The following DPYSL2 variants were observed in gnomAD, a reference collection of about 807,000 sequenced individuals.
DPYSL2 encodes dihydropyrimidinase-related protein 2.
Under a neutral mutation model 69.9 loss-of-function variants are expected in DPYSL2, and 13 were observed. The ratio of observed to expected loss-of-function variants is 0.19; its 90% CI spans 0.12 to 0.30. DPYSL2 has a LOEUF of 0.30. DPYSL2 is among the 10% of genes least tolerant of loss of function. The probability of loss-of-function intolerance (pLI) is 1.00; values close to 1 mark genes in which losing one functional copy is unlikely to be tolerated. For synonymous variants in DPYSL2, 326 were observed against 359.1 expected, an observed-to-expected ratio of 0.91 and a Z score of 1.04; for missense variants, 587 against 918.9, an observed-to-expected ratio of 0.64 and a Z score of 4.67.
chr8:26,581,901 C>A, intron 1 of DPYSL2, 68 bp from the exon 2 acceptor site: 2 of 1,175,704 alleles, frequency 1.7e-6, no homozygotes, highest in South Asian at 1.2e-5. Flanking sequence ...ATCCTTAGCT[C>A]ACATATCTTA....
chr8:26,537,225 AT>A lies in DPYSL2; in HGVS notation c.354+22547del, dbSNP rs555470936. 1.1e-3 allele frequency among the ~76,000 whole-genome samples: 170 copies of A among 152,260 alleles called. 1 individual carries two copies. Among genetic ancestry groups the A allele is most frequent in the African/African-American group, 3.7e-3 (155 of 41,542 alleles). ...ACTGCCTAAATATTTGGGTAATGAA[AT>A]CAAAGTCAAATGTTCTGGGAGAAGC... is the stretch of plus-strand genomic sequence containing the variant. On this transcript the variant is annotated intron_variant, in intron 1 of 13. Coordinates refer to ENST00000521913, the MANE Select transcript of DPYSL2 (RefSeq NM_001197293.3).
intron 1 of DPYSL2, among the ~76,000 whole-genome samples, chr8:26,563,434 C>T (rs1563388087): frequency 6.6e-6 from 1 of 152,190 alleles, no homozygotes; most frequent in African/African-American, 2.4e-5. Flanking sequence ...GCCCCAATAT[C>T]TTTTTCCAGA....
chr8:26,657,521 G>A lies in DPYSL2; in HGVS notation c.*1815G>A, dbSNP rs1477748972. On this transcript the variant is annotated 3_prime_UTR_variant, in exon 14 of 14. Coordinates refer to ENST00000521913, the MANE Select transcript of DPYSL2 (RefSeq NM_001197293.3). ...CATTTTGCCTTTGGGGATCTGGTTGGGGTTTTGGGTTTTTTGTTGTTGTTG... is the reference window on the plus strand; with the variant it reads ...CATTTTGCCTTTGGGGATCTGGTTGAGGTTTTGGGTTTTTTGTTGTTGTTG... The A allele has an allele frequency of 6.6e-6, 1 of 152,446 alleles. No individual in the cohort carries two copies. The highest frequency in any genetic ancestry group is 1.5e-5 in the Non-Finnish European group (1 of 68,000). 9.4% of individuals were successfully genotyped at this position (152,446 alleles called of 1,614,324 possible). A position where few individuals can be genotyped will look rare whatever the true frequency, so the allele number is the denominator to read the frequency against.
intron 3 of DPYSL2, among the ~76,000 whole-genome samples, chr8:26,607,888 G>T (rs530592278): frequency 9.6e-4 from 146 of 152,056 alleles, no homozygotes; most frequent in African/African-American, 3.3e-3. Flanking sequence ...GACCATCCTG[G>T]CTAACACGGT....
intron 3 of DPYSL2, among the ~76,000 whole-genome samples, chr8:26,622,496 G>A (rs1288969683): frequency 5.4e-4 from 49 of 90,664 alleles, no homozygotes; most frequent in Admixed American, 1.8e-3. Context: ...GTGTGTGTGT[G>A]TATATATATA....
intron 1 of DPYSL2, among the ~76,000 whole-genome samples, chr8:26,561,929 C>G (rs1362062533): frequency 6.6e-6 from 1 of 152,124 alleles, no homozygotes; most frequent in South Asian, 2.1e-4. Context: ...TGGTCTGCAG[C>G]CCAGGGGTTG....
intron 3 of DPYSL2, among the ~76,000 whole-genome samples, chr8:26,584,470 GAT>G (rs1249063883): frequency 6.6e-6 from 1 of 152,132 alleles, no homozygotes; most frequent in Non-Finnish European, 1.5e-5. Context: ...AAATGGAGAC[GAT>G]ACTCTCTAGG....
intron 1 of DPYSL2, among the ~76,000 whole-genome samples, chr8:26,528,813 T>C (rs886948973): frequency 6.6e-6 from 1 of 151,938 alleles, no homozygotes; most frequent in Admixed American, 6.6e-5. Flanking sequence ...GAGCCTTTAT[T>C]GTGGTTTCAG....
At chr8:26,613,699 G>A (rs182748) in intron 3 of DPYSL2, among the ~76,000 whole-genome samples, 56,947 of 152,062 alleles carry the variant, frequency 0.37, 11,127 homozygotes, top group East Asian at 0.48. Flanking sequence ...GAGAGGGAGA[G>A]ATCAGGAGCC....
At chr8:26,618,473 C>T (rs533264660) in intron 3 of DPYSL2, among the ~76,000 whole-genome samples, 1 of 140,032 alleles carries the variant, frequency 7.1e-6, no homozygotes, top group South Asian at 2.3e-4. Flanking sequence ...ACACCATGCC[C>T]GGGTAATGTT....
At position 26,658,021 on chromosome 8, in the gene DPYSL2, A is replaced by G. The variant is rs538280349; in HGVS notation, c.*2315A>G. 5 of 152,740 alleles carry G rather than the reference A, an allele frequency of 3.3e-5. No homozygotes were observed. Among genetic ancestry groups the G allele is most frequent in the South Asian group, 2.1e-4 (1 of 4,828 alleles). 9.5% of individuals were successfully genotyped at this position (152,740 alleles called of 1,614,324 possible). A position where few individuals can be genotyped will look rare whatever the true frequency, so the allele number is the denominator to read the frequency against. ...AGGAACTTTCAGTTCTAAAGCTGATAAAGTGTGTAGCCAGAAGAGTACTTT... is the reference window on the plus strand; with the variant it reads ...AGGAACTTTCAGTTCTAAAGCTGATGAAGTGTGTAGCCAGAAGAGTACTTT... On this transcript the variant is annotated 3_prime_UTR_variant, in exon 14 of 14. Transcript: ENST00000521913. This position sits in a 1 kb window ranked among gnomAD's most constrained non-coding sequence, Gnocchi z 4.7.
rs566189628 is a variant in DPYSL2, at chr8:26,641,313, A to G, written c.1127-2126A>G. 5.0e-4 allele frequency among the ~76,000 whole-genome samples: 76 copies of G among 152,364 alleles called. No individual in the cohort carries two copies. The highest frequency in any genetic ancestry group is 1.7e-3 in the African/African-American group (72 of 41,588). On this transcript the variant is annotated intron_variant, in intron 8 of 13. Transcript: ENST00000521913. The surrounding 1 kb of genome is among the most constrained non-coding windows in gnomAD (Gnocchi z 4.1). ...ACAAAAGCAGGAAGCCTTTAGGGCCACGCATCTCTTGTTTTCCTGTGACTT... is the reference window on the plus strand; with the variant it reads ...ACAAAAGCAGGAAGCCTTTAGGGCCGCGCATCTCTTGTTTTCCTGTGACTT...
chr8:26,632,163 TG>T (rs1301861408), intron 7 of DPYSL2, among the ~76,000 whole-genome samples: 1 of 152,194 alleles, frequency 6.6e-6, no homozygotes, highest in Non-Finnish European at 1.5e-5. Context: ...CCCAGAGGAT[TG>T]GAAAGGACAC....
At position 26,643,665 on chromosome 8, in the gene DPYSL2, A is replaced by G; in HGVS notation, c.1283+70A>G. 1 of 1,606,750 alleles carries G rather than the reference A, an allele frequency of 6.2e-7. No individual in the cohort carries two copies. Among genetic ancestry groups the G allele is most frequent in the Admixed American group, 1.7e-5 (1 of 59,744 alleles). ...CAGACCAGACTGACCTGTTAGGCGAAAACAACATGGTGGCCAAGAGCAGCC... is the reference window on the plus strand; with the variant it reads ...CAGACCAGACTGACCTGTTAGGCGAGAACAACATGGTGGCCAAGAGCAGCC... On this transcript the variant is annotated intron_variant, in intron 9 of 13. Coordinates refer to ENST00000521913, the MANE Select transcript of DPYSL2 (RefSeq NM_001197293.3). The surrounding 1 kb of genome is among the most constrained non-coding windows in gnomAD (Gnocchi z 6.5).
At chr8:26,578,062 AAG>A in intron 1 of DPYSL2, 2 of 1,461,984 alleles carry the variant, frequency 1.4e-6, no homozygotes, top group South Asian at 1.4e-5. Context: ...GAGAGGAAGA[AAG>A]AGAGACAGAG....
At chr8:26,579,161 G>A (rs919207360) in intron 1 of DPYSL2, among the ~76,000 whole-genome samples, 1 of 152,254 alleles carries the variant, frequency 6.6e-6, no homozygotes, top group African/African-American at 2.4e-5. Context: ...CAGATGGCCC[G>A]GCCCCGGCCA....
chr8:26,530,237 T>C (rs1800484758), intron 1 of DPYSL2, among the ~76,000 whole-genome samples: 1 of 152,032 alleles, frequency 6.6e-6, no homozygotes, highest in Admixed American at 6.6e-5. Context: ...CGTGACAGAA[T>C]TAGCAAAGCA....
Position 26,622,090 on chromosome 8 carries a change from T to TTTCCTTCCTTCCTTCC in DPYSL2, c.629-2000_629-1985dup, listed in dbSNP as rs59707085. 3.0e-3 allele frequency among the ~76,000 whole-genome samples: 192 copies of TTTCCTTCCTTCCTTCC among 64,432 alleles called. 3 individuals are homozygous for TTTCCTTCCTTCCTTCC. The highest frequency in any genetic ancestry group is 2.8e-3 in the Admixed American group (17 of 6,044). The allele number at this position is 64,432 out of a possible 152,430, so 42.3% of individuals were successfully genotyped here. A position where few individuals can be genotyped will look rare whatever the true frequency, so the allele number is the denominator to read the frequency against. On this transcript the variant is annotated intron_variant, in intron 3 of 13. Transcript: ENST00000521913. The stretch of plus-strand genomic sequence containing the variant: ...TTTCTTTTTTTTCTTTCTTTCTTTC[T>TTTCCTTCCTTCCTTCC]TTCCTTCCTTCCTTCCTTCCTTCCT...
At chr8:26,520,192 T>C (rs1808363001) in intron 1 of DPYSL2, among the ~76,000 whole-genome samples, 1 of 152,228 alleles carries the variant, frequency 6.6e-6, no homozygotes, top group Non-Finnish European at 1.5e-5. Flanking sequence ...TCTGCCATGA[T>C]TGTGAGGCCT....
Sources: gnomAD v4.1 joint callset for allele counts (sites outside exome capture counted in the v4.1 genomes callset) on GRCh38, gnomAD v4.1.1 for gene constraint, Gnocchi (gnomAD v3.1) non-coding constraint, MANE v1.5 for transcripts, NCBI Gene and HGNC (gene_info 2026-07-23, HGNC 2026-07-21) for gene names.